Variants in NRG3 observed in about 807,000 individuals in gnomAD.
NRG3 encodes neuregulin 3, also known as pro-neuregulin-3, membrane-bound isoform.
A neutral mutation model predicts 66.9 loss-of-function variants in NRG3; 31 were observed. That is an observed-to-expected ratio of 0.46 (90% CI 0.35 to 0.63). The LOEUF is 0.63. Ranked by LOEUF, NRG3 falls within the 20% of genes least tolerant of loss-of-function variation. NRG3 has a pLI of 0.00. For synonymous variants in NRG3, 393 were observed against 359.4 expected (o/e 1.09, Z -1.06); for missense variants, 910 against 878.9 (o/e 1.04, Z -0.45).
chr10:82,852,486 A>T (rs1233444908), intron 3 of NRG3, among the ~76,000 whole-genome samples: 3 of 152,010 alleles, frequency 2.0e-5, no homozygotes, highest in Non-Finnish European at 2.9e-5. Context: ...AGTAAAATAA[A>T]ATACAGCTAT....
At chr10:82,166,565 C>T (rs1020052753) in intron 1 of NRG3, among the ~76,000 whole-genome samples, 23 of 151,650 alleles carry the variant, frequency 1.5e-4, no homozygotes, top group Admixed American at 3.9e-4. Context: ...ATTATAAATA[C>T]TATATTGCAT....
At chr10:82,263,030 C>T (rs2134222812) in intron 1 of NRG3, among the ~76,000 whole-genome samples, 1 of 152,190 alleles carries the variant, frequency 6.6e-6, no homozygotes, top group Non-Finnish European at 1.5e-5. Context: ...TGCATCCTTC[C>T]TTACCTGCTT....
intron 2 of NRG3, among the ~76,000 whole-genome samples, chr10:82,380,022 G>A (rs1271280024): frequency 6.6e-6 from 1 of 151,590 alleles, no homozygotes; most frequent in Non-Finnish European, 1.5e-5. Context: ...GTGTGAAATA[G>A]GAGAGCAAAA....
In NRG3 at chr10:81,980,392, T is replaced by C. The variant is rs1417179776; in HGVS notation, c.823+104229T>C. 2.6e-5 allele frequency among the ~76,000 whole-genome samples: 4 copies of C among 152,208 alleles called. No individual in the cohort carries two copies. In the East Asian group the frequency reaches 5.8e-4, roughly 22 times the overall value. ...TGTAATGCCTTTCATCACACATGGC[T>C]TTTGGGGGAGTCAGATAATAAGAGT... On this transcript the variant is annotated intron_variant, in intron 1 of 8. Coordinates refer to ENST00000372141, the MANE Select transcript of NRG3 (RefSeq NM_001010848.4).
intron 1 of NRG3, among the ~76,000 whole-genome samples, chr10:82,090,251 G>T (rs987575042): frequency 2.6e-5 from 4 of 152,162 alleles, no homozygotes; most frequent in Admixed American, 2.6e-4. Flanking sequence ...GGTATGAAAT[G>T]AATACATAGT....
At chr10:82,636,223 A>ATG (rs373906092) in intron 2 of NRG3, among the ~76,000 whole-genome samples, 4,471 of 51,184 alleles carry the variant, frequency 0.087, 79 homozygotes, top group Admixed American at 0.14. Flanking sequence ...CTATCTACAT[A>ATG]TGTGTGTGTG....
chr10:82,323,680 G>A (rs1589720951), intron 1 of NRG3, among the ~76,000 whole-genome samples: 1 of 152,062 alleles, frequency 6.6e-6, no homozygotes, highest in South Asian at 2.1e-4. Context: ...TACAGAATTG[G>A]TGTTTTTTTA....
At chr10:82,208,549 A>G (rs2075241932) in intron 1 of NRG3, among the ~76,000 whole-genome samples, 1 of 152,120 alleles carries the variant, frequency 6.6e-6, no homozygotes, top group African/African-American at 2.4e-5. Context: ...AGCATCCTAT[A>G]AAAGAGCACG....
chr10:82,873,410 G>A (rs78741489), intron 4 of NRG3, among the ~76,000 whole-genome samples: 3,776 of 152,214 alleles, frequency 0.025, 158 homozygotes, highest in African/African-American at 0.086. Flanking sequence ...TTCCTTAACA[G>A]TTTGAATAGA....
intron 2 of NRG3, among the ~76,000 whole-genome samples, chr10:82,487,713 T>C (rs1842795016): frequency 6.6e-6 from 1 of 152,248 alleles, no homozygotes; most frequent in Non-Finnish European, 1.5e-5. Context: ...TATTTACTTG[T>C]GTTAGTTTTA....
intron 2 of NRG3, among the ~76,000 whole-genome samples, chr10:82,563,475 C>G (rs1355190261): frequency 6.6e-6 from 1 of 151,944 alleles, no homozygotes; most frequent in African/African-American, 2.4e-5. Context: ...TGAGAGTCAG[C>G]CTGTTCCCTG....
chr10:82,210,416 G>T (rs1031054114), intron 1 of NRG3, among the ~76,000 whole-genome samples: 2 of 152,172 alleles, frequency 1.3e-5, no homozygotes, highest in Admixed American at 1.3e-4. Flanking sequence ...AGCAAATTCA[G>T]TCAGGTGCCA....
At chr10:82,102,003 G>A (rs1029061019) in intron 1 of NRG3, among the ~76,000 whole-genome samples, 13 of 129,222 alleles carry the variant, frequency 1.0e-4, no homozygotes, top group South Asian at 2.4e-4. Flanking sequence ...ATATGTGTGC[G>A]TATATATATA....
intron 2 of NRG3, among the ~76,000 whole-genome samples, chr10:82,736,091 G>A (rs2058140491): frequency 6.6e-6 from 1 of 151,892 alleles, no homozygotes; most frequent in South Asian, 2.1e-4. Flanking sequence ...TCTTATTCTT[G>A]TGTCTTTCAA....
chr10:82,165,058 AT>A (rs1209827931), intron 1 of NRG3, among the ~76,000 whole-genome samples: 6 of 152,188 alleles, frequency 3.9e-5, no homozygotes, highest in Admixed American at 1.3e-4. Flanking sequence ...GACATAAAAA[AT>A]ATTTTCATGT....
intron 3 of NRG3, among the ~76,000 whole-genome samples, chr10:82,744,279 T>A (rs1176956543): frequency 6.6e-6 from 1 of 152,158 alleles, no homozygotes; most frequent in Non-Finnish European, 1.5e-5. Flanking sequence ...TATGAAAAAA[T>A]ACCATTAACT....
intron 2 of NRG3, among the ~76,000 whole-genome samples, chr10:82,372,383 T>C (rs918271586): frequency 1.3e-5 from 2 of 152,226 alleles, no homozygotes; most frequent in Non-Finnish European, 2.9e-5. Context: ...ACATTTTTAA[T>C]TTCTTTCACT....
intron 1 of NRG3, among the ~76,000 whole-genome samples, chr10:82,217,901 A>G (rs2075765967): frequency 6.6e-6 from 1 of 152,302 alleles, no homozygotes; most frequent in Non-Finnish European, 1.5e-5. Context: ...ATCTTATTTT[A>G]CTTTCTTAAT....
intron 1 of NRG3, among the ~76,000 whole-genome samples, chr10:81,929,640 C>T (rs1373117016): frequency 2.6e-5 from 4 of 152,170 alleles, no homozygotes; most frequent in African/African-American, 9.7e-5. Flanking sequence ...ATGCCTGTTC[C>T]CTTGAACAAA....
Sources: gnomAD v4.1 joint callset for allele counts (sites outside exome capture counted in the v4.1 genomes callset) on GRCh38, gnomAD v4.1.1 for gene constraint, MANE v1.5 for transcripts, NCBI Gene and HGNC (gene_info 2026-07-23, HGNC 2026-07-21) for gene names.